Variants in SPATA21 observed in about 807,000 individuals in gnomAD.
The protein encoded by SPATA21 is spermatogenesis associated 21.
A neutral mutation model predicts 54.8 loss-of-function variants in SPATA21; 47 were observed. That is an observed-to-expected ratio of 0.86 (90% confidence interval 0.68 to 1.09). SPATA21 has a LOEUF of 1.09. SPATA21 is among the 50% of genes least tolerant of loss of function. The probability of loss-of-function intolerance (pLI) is 0.00; values close to 1 mark genes in which losing one functional copy is unlikely to be tolerated. For synonymous variants in SPATA21, 245 were observed against 235.3 expected, an observed-to-expected ratio of 1.04 and a Z score of -0.38; for missense variants, 599 against 596.4, an observed-to-expected ratio of 1.00 and a Z score of -0.05.
intron 1 of SPATA21, among the ~76,000 whole-genome samples, chr1:16,435,704 C>T (rs558119800): frequency 6.6e-6 from 1 of 151,912 alleles, no homozygotes; most frequent in Non-Finnish European, 1.5e-5. Flanking sequence ...TAGCCTTGAC[C>T]TCTTGGGCTC....
At position 16,427,352 on chromosome 1, in the gene SPATA21, C is replaced by T. The variant is rs2086350259; in HGVS notation, c.34+3986G>A. 2.0e-5 allele frequency among the ~76,000 whole-genome samples: 3 copies of T among 152,060 alleles called. 1 individual carries two copies. In the South Asian group the frequency reaches 6.2e-4, roughly 32 times the overall value. The stretch of plus-strand genomic sequence containing the variant: ...TGGTTATAGTCAAATCCAACTAAGC[C>T]AGCTAGTCTTTACTATTTCTATTAT... On this transcript the variant is annotated intron_variant, in intron 3 of 12. Transcript: ENST00000335496.
chr1:16,436,747 C>A (rs886336369), intron 1 of SPATA21, among the ~76,000 whole-genome samples: 1 of 150,746 alleles, frequency 6.6e-6, no homozygotes, highest in African/African-American at 2.5e-5. Flanking sequence ...GCCTGGGCAA[C>A]AGAGCAAGAC....
intron 7 of SPATA21, among the ~76,000 whole-genome samples, chr1:16,408,347 G>T (rs920700436): frequency 3.9e-5 from 6 of 152,122 alleles, no homozygotes; most frequent in Non-Finnish European, 7.4e-5. Context: ...CAGTGGGAAT[G>T]GGGTACATGT....
At chr1:16,404,937 G>A in intron 8 of SPATA21, 30 bp downstream of exon 8, 1 of 1,531,496 alleles carries the variant, frequency 6.5e-7, no homozygotes. Context: ...GCCCTGCCTG[G>A]GATGCAGAGT....
At chr1:16,422,049 G>A (rs2086188413) in intron 3 of SPATA21, 78 bp from the exon 4 acceptor site, 1 of 1,610,404 alleles carries the variant, frequency 6.2e-7, no homozygotes. Flanking sequence ...CTCTGGCGGA[G>A]CCTCCTGTGG....
chr1:16,427,251 T>C (rs1282456039), intron 3 of SPATA21, among the ~76,000 whole-genome samples: 1 of 152,122 alleles, frequency 6.6e-6, no homozygotes, highest in Non-Finnish European at 1.5e-5. Context: ...ATGCAGTAGT[T>C]GTCTCAGTGG....
At chr1:16,422,324 A>G (rs1387587222) in intron 3 of SPATA21, 1 of 799,178 alleles carries the variant, frequency 1.3e-6, no homozygotes, top group East Asian at 5.5e-5. Flanking sequence ...GCATCATCTT[A>G]CTTAATTCTC....
rs2085498606 is a variant in SPATA21, at chr1:16,402,868, G to A, written c.1001+859C>T. Among the ~76,000 whole-genome samples the A allele has an allele frequency of 2.0e-5, 3 of 152,190 alleles. No individual in the cohort carries two copies. In the South Asian group the frequency reaches 6.2e-4, roughly 31 times the overall value. ...TTGAGCCCAGGAGGTCAAGGCTGCAGTGAGTCGTAATTGTATCACTACACT... is the reference window on the plus strand; with the variant it reads ...TTGAGCCCAGGAGGTCAAGGCTGCAATGAGTCGTAATTGTATCACTACACT... On this transcript the variant is annotated intron_variant, in intron 10 of 12. Transcript: ENST00000335496.
At chr1:16,399,239 C>G in intron 12 of SPATA21, 105 bp downstream of exon 12, 1 of 1,303,770 alleles carries the variant, frequency 7.7e-7, no homozygotes, top group Non-Finnish European at 1.0e-6. Context: ...AGCAGCCTCT[C>G]AGGTATGATC....
chr1:16,423,746 G>A (rs1279750759), intron 3 of SPATA21, among the ~76,000 whole-genome samples: 2 of 151,568 alleles, frequency 1.3e-5, no homozygotes, highest in Non-Finnish European at 2.9e-5. Context: ...GTTTCACCAG[G>A]TTGGCCAAGC....
At chr1:16,420,623 G>T (rs1326424544) in intron 5 of SPATA21, among the ~76,000 whole-genome samples, 1 of 152,122 alleles carries the variant, frequency 6.6e-6, no homozygotes, top group Admixed American at 6.6e-5. Flanking sequence ...ATCATGTGGT[G>T]GGGGGAGGGG....
intron 1 of SPATA21, among the ~76,000 whole-genome samples, chr1:16,435,195 G>C (rs76270183): frequency 0.013 from 1,986 of 152,154 alleles, 19 homozygotes; most frequent in Middle Eastern, 0.037. Flanking sequence ...GTGGATGTGA[G>C]TGTAAAGTGT....
chr1:16,422,680 T>C (rs931780249), intron 3 of SPATA21, among the ~76,000 whole-genome samples: 2 of 152,008 alleles, frequency 1.3e-5, no homozygotes, highest in African/African-American at 4.8e-5. Flanking sequence ...TGATATTTTT[T>C]AATTTTTGGT....
In SPATA21 at chr1:16,403,710, C is replaced by CA; in HGVS notation, c.1001+16dup. ...TGTGTCCACAACCCTTCACCCCCAACAACCGGCCCCACTCACTTTGTGATT... is the reference window on the plus strand; with the variant it reads ...TGTGTCCACAACCCTTCACCCCCAACAAACCGGCCCCACTCACTTTGTGATT... On this transcript the variant is annotated intron_variant, in intron 10 of 12. Coordinates refer to ENST00000335496, the MANE Select transcript of SPATA21 (RefSeq NM_198546.1). 6.2e-7 allele frequency: 1 copy of CA among 1,606,992 alleles called. No homozygotes were observed. Among genetic ancestry groups the CA allele is most frequent in the Non-Finnish European group, 8.5e-7 (1 of 1,173,628 alleles).
chr1:16,417,217 A>G (rs2086033700), intron 5 of SPATA21, among the ~76,000 whole-genome samples: 1 of 151,712 alleles, frequency 6.6e-6, no homozygotes, highest in African/African-American at 2.4e-5. Context: ...CATCTCTGTA[A>G]CTTTCCTTGT....
In SPATA21 at chr1:16,399,460, G is replaced by C; in HGVS notation, c.1236C>G (p.Asp412Glu). Reference sequence around the variant, plus strand: ...TCGGCTGCCTACGGACCATCTTCTTGTCCAGCTGTGGGCAGAGCAGGATGC... The same window carrying C: ...TCGGCTGCCTACGGACCATCTTCTTCTCCAGCTGTGGGCAGAGCAGGATGC... The part of the protein sequence containing the change: ...VPCILLCPQL[D>E]KKMVRRQPSN... The change falls in exon 12 of 13, where the codon GAC becomes GAG. Residue 412 changes from aspartate (D) to glutamate (E), a missense_variant. Coordinates refer to ENST00000335496, the MANE Select transcript of SPATA21 (RefSeq NM_198546.1). The C allele has an allele frequency of 6.2e-7, 1 of 1,613,554 alleles. No individual in the cohort carries two copies. Among genetic ancestry groups the C allele is most frequent in the Non-Finnish European group, 8.5e-7 (1 of 1,180,034 alleles).
intron 5 of SPATA21, chr1:16,410,900 C>T (rs745948633): frequency 2.0e-5 from 6 of 300,496 alleles, no homozygotes; most frequent in Non-Finnish European, 2.7e-5. Flanking sequence ...TTTGTTCATG[C>T]CTGTTGTCTG....
At chr1:16,400,146 C>T (rs1273682144) in intron 11 of SPATA21, among the ~76,000 whole-genome samples, 2 of 152,050 alleles carry the variant, frequency 1.3e-5, no homozygotes, top group African/African-American at 2.4e-5. Flanking sequence ...CCAGCCTCAG[C>T]CTCCAGAGTA....
intron 8 of SPATA21, 97 bp from the exon 9 acceptor site, chr1:16,404,136 G>A (rs2085552763): frequency 9.6e-7 from 1 of 1,039,986 alleles, no homozygotes; most frequent in Non-Finnish European, 1.5e-6. Flanking sequence ...GTCTGGGTCT[G>A]ATTATCAAGC....
Sources: allele counts gnomAD v4.1 joint callset (sites outside exome capture counted in the v4.1 genomes callset), GRCh38; gene constraint gnomAD v4.1.1; transcripts MANE v1.5; gene names NCBI Gene and HGNC (gene_info 2026-07-23, HGNC 2026-07-21).